SEMA3D: variants seen among roughly 807,000 people sequenced by gnomAD.
The protein encoded by SEMA3D is semaphorin 3D, also known as semaphorin-3D.
Under a neutral mutation model 100.1 loss-of-function variants are expected in SEMA3D, and 84 were observed. That is an observed-to-expected ratio of 0.84 (90% CI 0.70 to 1.01). The LOEUF (loss-of-function observed/expected upper bound fraction) is 1.01, where lower values mean the gene tolerates loss of function less well. Ranked by LOEUF, SEMA3D falls within the 50% of genes least tolerant of loss-of-function variation. The pLI is 0.00. For synonymous variants in SEMA3D, 312 were observed against 320.7 expected (o/e 0.97, Z 0.29); for missense variants, 875 against 934.1 (o/e 0.94, Z 0.82).
intron 2 of SEMA3D, chr7:85,140,780 G>C (rs957842515): frequency 1.0e-6 from 1 of 966,510 alleles, no homozygotes; most frequent in African/African-American, 1.8e-5. Flanking sequence ...TGTATATTTT[G>C]CTGCTGCTTA....
chr7:85,030,825 G>C (rs970460039), intron 12 of SEMA3D, among the ~76,000 whole-genome samples: 1 of 151,916 alleles, frequency 6.6e-6, no homozygotes, highest in Admixed American at 6.6e-5. Flanking sequence ...GTTATTTTGG[G>C]CTGGATTCAA....
At chr7:85,159,956 A>G (rs574199233) in intron 1 of SEMA3D, 13 of 984,708 alleles carry the variant, frequency 1.3e-5, no homozygotes, top group Non-Finnish European at 1.6e-5. Context: ...CACAAGCCAT[A>G]AGTTCTACGG....
chr7:85,202,722 C>T, the SEMA3D span, among the ~76,000 whole-genome samples: 1 of 152,000 alleles, frequency 6.6e-6, no homozygotes, highest in Admixed American at 6.6e-5. Context: ...ATTTATGCAG[C>T]CAAAAAACAC....
chr7:85,244,862 C>A, the SEMA3D span, among the ~76,000 whole-genome samples: 1 of 151,974 alleles, frequency 6.6e-6, no homozygotes, highest in Non-Finnish European at 1.5e-5. Context: ...AGGCACCCAC[C>A]ACCACTCCCG....
At chr7:85,092,619 A>T (rs1487763153) in intron 4 of SEMA3D, among the ~76,000 whole-genome samples, 2 of 151,998 alleles carry the variant, frequency 1.3e-5, no homozygotes, top group East Asian at 3.9e-4. Context: ...TTGATTTTTT[A>T]AAAAATATGT....
Position 85,074,036 on chromosome 7 carries a change from C to A in SEMA3D, c.376-955G>T, listed in dbSNP as rs1021496591. Among the ~76,000 whole-genome samples the A allele has an allele frequency of 2.6e-5, 4 of 152,166 alleles. No individual in the cohort carries two copies. In the East Asian group the frequency reaches 7.7e-4, roughly 29 times the overall value. Reference sequence around the variant, plus strand: ...TATATTATTTTCAACCTATCTCCTGCAAGTGATACTCTATCTTTACATAAA... The same window carrying A: ...TATATTATTTTCAACCTATCTCCTGAAAGTGATACTCTATCTTTACATAAA... On this transcript the variant is annotated intron_variant, in intron 5 of 18. Transcript: ENST00000284136.
chr7:85,233,934 T>C, the SEMA3D span, among the ~76,000 whole-genome samples: 1 of 152,156 alleles, frequency 6.6e-6, no homozygotes, highest in Non-Finnish European at 1.5e-5. Flanking sequence ...GAAAATGCCA[T>C]TAATGATGTT....
At chr7:85,230,735 T>A in the SEMA3D span, among the ~76,000 whole-genome samples, 1 of 152,248 alleles carries the variant, frequency 6.6e-6, no homozygotes, top group Non-Finnish European at 1.5e-5. Flanking sequence ...TTCCTGAATG[T>A]ATGCTTAGTT....
At chr7:85,051,368 G>C (rs1791160018) in intron 9 of SEMA3D, among the ~76,000 whole-genome samples, 1 of 151,690 alleles carries the variant, frequency 6.6e-6, no homozygotes, top group Non-Finnish European at 1.5e-5. Context: ...ACCTCTTTTT[G>C]ATAAGCGACA....
At chr7:85,013,022 A>C (rs1790000738) in intron 16 of SEMA3D, among the ~76,000 whole-genome samples, 176 bp from the exon 17 acceptor site, 1 of 151,850 alleles carries the variant, frequency 6.6e-6, no homozygotes, top group Admixed American at 6.6e-5. Flanking sequence ...ACTACTGGTA[A>C]TGAGGTCCAA....
At chr7:85,162,323 A>G (rs908893003) in intron 1 of SEMA3D, among the ~76,000 whole-genome samples, 1 of 152,178 alleles carries the variant, frequency 6.6e-6, no homozygotes, top group Non-Finnish European at 1.5e-5. Context: ...CAGAGTTAAC[A>G]AAACAGTGAT....
intron 9 of SEMA3D, 70 bp downstream of exon 9, chr7:85,055,647 T>C (rs1221337486): frequency 2.4e-4 from 3 of 12,426 alleles, no homozygotes; most frequent in Non-Finnish European, 4.7e-4. Context: ...TTCATATACA[T>C]ATATATATAT....
chr7:85,133,838 T>C (rs1324793915), intron 2 of SEMA3D, among the ~76,000 whole-genome samples: 1 of 152,010 alleles, frequency 6.6e-6, no homozygotes, highest in Admixed American at 6.6e-5. Flanking sequence ...ACTTAGTATC[T>C]TCTCTGGCAC....
intron 17 of SEMA3D, among the ~76,000 whole-genome samples, chr7:85,010,763 C>T (rs570439304): frequency 6.6e-6 from 1 of 151,708 alleles, no homozygotes; most frequent in African/African-American, 2.4e-5. Context: ...AAGTGGAGCT[C>T]TTTAGTAGGC....
intron 6 of SEMA3D, among the ~76,000 whole-genome samples, chr7:85,072,429 GC>G (rs1164325494): frequency 6.6e-6 from 1 of 152,060 alleles, no homozygotes; most frequent in East Asian, 1.9e-4. Context: ...TTTATATAAT[GC>G]AATTCCACTG....
intron 7 of SEMA3D, 82 bp downstream of exon 7, chr7:85,068,109 C>A: frequency 1.2e-6 from 1 of 814,008 alleles, no homozygotes. Context: ...TTACCTTTAA[C>A]TCAATAGGAA....
rs773920678 is a variant in SEMA3D, at chr7:85,124,663, A to T, written c.-40-2732T>A. ...AAAGAGACTGGAAAAGCAAACAGAG[A>T]CAGTTCCAGAAAACAGTGAAACCTT... On this transcript the variant is annotated intron_variant, in intron 2 of 18. Coordinates refer to ENST00000284136, the MANE Select transcript of SEMA3D (RefSeq NM_001384900.1). 2.8e-3 allele frequency among the ~76,000 whole-genome samples: 433 copies of T among 152,228 alleles called. 4 individuals carry two copies. The highest frequency in any genetic ancestry group is 1.8e-3 in the Non-Finnish European group (122 of 68,008).
chr7:85,056,642 A>G (rs1791326091), intron 8 of SEMA3D, among the ~76,000 whole-genome samples: 1 of 149,628 alleles, frequency 6.7e-6, no homozygotes, highest in Admixed American at 6.7e-5. Context: ...ATAGCATTAA[A>G]TTTCTTTATA....
chr7:85,008,983 T>C (rs1789877545), intron 17 of SEMA3D, among the ~76,000 whole-genome samples: 1 of 151,760 alleles, frequency 6.6e-6, no homozygotes, highest in Non-Finnish European at 1.5e-5. Context: ...ATTATGTATA[T>C]GCAAATATTC....
Sources: allele counts gnomAD v4.1 joint callset (sites outside exome capture counted in the v4.1 genomes callset), GRCh38; gene constraint gnomAD v4.1.1; transcripts MANE v1.5; gene names NCBI Gene and HGNC (gene_info 2026-07-23, HGNC 2026-07-21).